The following B3GALNT2 variants were observed in gnomAD, a reference collection of about 807,000 sequenced individuals.
The protein encoded by B3GALNT2 is UDP-GalNAc:beta-1,3-N-acetylgalactosaminyltransferase 2.
In B3GALNT2, 53 loss-of-function variants were observed where a neutral mutation model predicts 61.1. The ratio of observed to expected loss-of-function variants is 0.87; its 90% CI spans 0.70 to 1.09. The LOEUF (loss-of-function observed/expected upper bound fraction) is 1.09. Among genes scored for constraint, B3GALNT2 ranks in the 50% least tolerant of loss-of-function variants. The pLI is 0.00. For missense variants in B3GALNT2, 544 were observed against 623.0 expected (o/e 0.87, Z 1.35); for synonymous variants, 223 against 237.4 (o/e 0.94, Z 0.56).
intron 6 of B3GALNT2, among the ~76,000 whole-genome samples, chr1:235,466,726 T>A (rs1033592115): frequency 1.5e-4 from 23 of 152,232 alleles, no homozygotes; most frequent in Admixed American, 5.9e-4. Flanking sequence ...CTTCTTAGAA[T>A]GGAGAATCTT....
chr1:235,489,791 C>A (rs1330669715), intron 2 of B3GALNT2, among the ~76,000 whole-genome samples: 6 of 152,164 alleles, frequency 3.9e-5, no homozygotes, highest in Non-Finnish European at 8.8e-5. Context: ...TCTTCACCTT[C>A]CATCCTTCCT....
chr1:235,483,972 G>T (rs563162913), intron 4 of B3GALNT2, among the ~76,000 whole-genome samples: 1 of 152,258 alleles, frequency 6.6e-6, no homozygotes, highest in Non-Finnish European at 1.5e-5. Context: ...GACTTCTACA[G>T]TTGGAAGTAA....
rs532306090 is a variant in B3GALNT2, at chr1:235,455,625, T to G, written c.1085A>C (p.Asp362Ala). The part of the protein sequence containing the change: ...LLKTDDDCYI[D>A]LEAVFNRIVQ... ...AATCCTATTAAATACAGCTTCGAGGTCTATGTAACAGTCATCATCTGTCTT... is the reference window on the plus strand; with the variant it reads ...AATCCTATTAAATACAGCTTCGAGGGCTATGTAACAGTCATCATCTGTCTT... Residue 362 changes from aspartate to alanine, a missense_variant, in exon 9 of 12, where the codon GAC (aspartate) becomes GCC (alanine). Transcript: ENST00000366600. 1.2e-6 allele frequency: 2 copies of G among 1,604,842 alleles called. No homozygotes were observed. The highest frequency in any genetic ancestry group is 1.3e-5 in the African/African-American group (1 of 74,810).
At chr1:235,471,342 C>A (rs906133455) in intron 5 of B3GALNT2, among the ~76,000 whole-genome samples, 1 of 152,162 alleles carries the variant, frequency 6.6e-6, no homozygotes, top group Non-Finnish European at 1.5e-5. Flanking sequence ...TTGGTTGCTA[C>A]TAAATGTCTA....
chr1:235,442,007 A>ATTT, the B3GALNT2 span: 6 of 830,618 alleles, frequency 7.2e-6, no homozygotes, highest in South Asian at 1.6e-5. Context: ...TTTAAATGAA[A>ATTT]ATTTTTTTTT....
chr1:235,448,550 T>G lies in B3GALNT2; in HGVS notation c.*1656A>C. The G allele has an allele frequency of 7.3e-7, 1 of 1,366,756 alleles. No homozygotes were observed. The highest frequency in any genetic ancestry group is 1.0e-6 in the Non-Finnish European group (1 of 959,040). The allele number at this position is 1,366,756 out of a possible 1,614,324, so 84.7% of individuals were successfully genotyped here. On this transcript the variant is annotated 3_prime_UTR_variant, in exon 12 of 12. Transcript: ENST00000366600. ...TGATTCTAAATGGAGACCATGGGTC[T>G]GTTTGTTTGATTTTAAGGGTAAGCT...
chr1:235,496,362 C>T, intron 1 of B3GALNT2: 1 of 963,242 alleles, frequency 1.0e-6, no homozygotes, highest in Non-Finnish European at 1.3e-6. Flanking sequence ...TTTATTATTT[C>T]ACTCTACAAT....
At chr1:235,496,779 T>C (rs928756724) in intron 1 of B3GALNT2, among the ~76,000 whole-genome samples, 2 of 152,020 alleles carry the variant, frequency 1.3e-5, no homozygotes, top group African/African-American at 4.8e-5. Context: ...CTCTTGACCT[T>C]GTGATCCACC....
intron 1 of B3GALNT2, 61 bp downstream of exon 1, chr1:235,504,080 C>T: frequency 8.3e-7 from 1 of 1,201,222 alleles, no homozygotes; most frequent in South Asian, 4.2e-5. Flanking sequence ...AGCCCCGCGG[C>T]ACCAAGCCGG....
chr1:235,485,864 T>C (rs757908055), intron 3 of B3GALNT2, among the ~76,000 whole-genome samples: 1 of 152,200 alleles, frequency 6.6e-6, no homozygotes, highest in Non-Finnish European at 1.5e-5. Flanking sequence ...TAATAAAGAT[T>C]GTATTTTCTT....
intron 11 of B3GALNT2, 139 bp downstream of exon 11, chr1:235,452,951 A>C (rs1682997246): frequency 4.1e-6 from 3 of 725,506 alleles, no homozygotes; most frequent in South Asian, 4.0e-5. Context: ...AGTATAATGC[A>C]ATTATTCTAA....
At chr1:235,441,037 G>C in the B3GALNT2 span, 2 of 152,296 alleles carry the variant, frequency 1.3e-5, no homozygotes, top group African/African-American at 4.8e-5. Flanking sequence ...CAGCCTAGAG[G>C]AATCACTTTC....
intron 5 of B3GALNT2, among the ~76,000 whole-genome samples, chr1:235,471,969 T>TA (rs58278357): frequency 0.035 from 4,942 of 142,346 alleles, 95 homozygotes; most frequent in Non-Finnish European, 0.048. Context: ...TGCCTGAATT[T>TA]AAAAAAAAAA....
At position 235,504,173 on chromosome 1, in the gene B3GALNT2, G is replaced by A. The variant is rs1685724690; in HGVS notation, c.80C>T (p.Pro27Leu). The change falls in exon 1 of 12, where the codon CCG (proline) becomes CTG (leucine). Residue 27 changes from proline (P) to leucine (L), a missense_variant. Coordinates refer to ENST00000366600, the MANE Select transcript of B3GALNT2 (RefSeq NM_152490.5). ...LHLWLRLRSP[P>L]PACASGAGPA... ...GCCGGCCCCGGAGGCGCAGGCGGGC[G>A]GCGGGGAGCGCAGCCGCAGCCAGAG... is the stretch of plus-strand genomic sequence containing the variant. 6 of 1,299,052 alleles carry A rather than the reference G, an allele frequency of 4.6e-6. No homozygotes were observed. The highest frequency in any genetic ancestry group is 1.5e-5 in the African/African-American group (1 of 64,644). The allele number at this position is 1,299,052 out of a possible 1,614,324, so 80.5% of individuals were successfully genotyped here. A position where few individuals can be genotyped will look rare whatever the true frequency, so the allele number is the denominator to read the frequency against.
At chr1:235,453,579 A>G (rs989326750) in intron 10 of B3GALNT2, among the ~76,000 whole-genome samples, 1 of 151,740 alleles carries the variant, frequency 6.6e-6, no homozygotes, top group Non-Finnish European at 1.5e-5. Context: ...TCAGCCTCCC[A>G]AGTAGTTGGG....
rs1311452075 is a variant in B3GALNT2, at chr1:235,474,980, TATATATA to T, written c.652-4027_652-4021del. On this transcript the variant is annotated intron_variant, in intron 5 of 11. Transcript: ENST00000366600. The stretch of plus-strand genomic sequence containing the variant: ...ATATATATATATATATATATATATA[TATATATA>T]TTTTTTTTTTTTTTTTTTTTTTTGA... Among the ~76,000 whole-genome samples the T allele has an allele frequency of 8.6e-3, 281 of 32,570 alleles. 7 individuals carry two copies. The highest frequency in any genetic ancestry group is 0.026 in the Middle Eastern group (2 of 78). The allele number at this position is 32,570 out of a possible 152,430, so 21.4% of individuals were successfully genotyped here.
chr1:235,441,467 AG>A, the B3GALNT2 span: 1 of 290,848 alleles, frequency 3.4e-6, no homozygotes, highest in East Asian at 8.5e-5. Context: ...ATTTGAAGGC[AG>A]TCTTCTCTTG....
At chr1:235,502,425 A>G (rs1222547258) in intron 1 of B3GALNT2, among the ~76,000 whole-genome samples, 1 of 152,212 alleles carries the variant, frequency 6.6e-6, no homozygotes, top group Non-Finnish European at 1.5e-5. Flanking sequence ...CGTATCCCGG[A>G]ACTTAAAAAA....
At position 235,447,527 on chromosome 1, in the gene B3GALNT2, G is replaced by GTT. The variant is rs1413870334; in HGVS notation, c.*2678_*2679insAA. On this transcript the variant is annotated 3_prime_UTR_variant, in exon 12 of 12. Transcript: ENST00000366600. ...TATGTTTAATACAGTTACACATGAT[G>GTT]TAATTACAGAATGGCGGCGCTGGAA... Among the ~76,000 whole-genome samples the GTT allele has an allele frequency of 2.1e-4, 32 of 152,294 alleles. No homozygotes were observed. The South Asian group carries it at 4.8e-3, about 23-fold the overall frequency.
Sources: gnomAD v4.1 joint callset for allele counts (sites outside exome capture counted in the v4.1 genomes callset) on GRCh38, gnomAD v4.1.1 for gene constraint, MANE v1.5 for transcripts, NCBI Gene and HGNC (gene_info 2026-07-23, HGNC 2026-07-21) for gene names.